The following CPVL variants were observed in gnomAD, a reference collection of about 807,000 sequenced individuals.
The protein encoded by CPVL is carboxypeptidase vitellogenic like, also known as probable serine carboxypeptidase CPVL.
CPVL carries 51 observed loss-of-function variants against 63.7 expected under a neutral mutation model. That is an observed-to-expected ratio of 0.80 (90% confidence interval 0.64 to 1.01). The LOEUF (loss-of-function observed/expected upper bound fraction) is 1.01, where lower values mean the gene tolerates loss of function less well. Among genes scored for constraint, CPVL ranks in the 50% least tolerant of loss-of-function variants. CPVL has a pLI of 0.00. For missense variants in CPVL, 530 were observed against 573.1 expected (o/e 0.92, Z 0.77); for synonymous variants, 195 against 206.0 (o/e 0.95, Z 0.46).
At chr7:29,004,322 G>T (rs1784959453) in intron 12 of CPVL, among the ~76,000 whole-genome samples, 1 of 152,136 alleles carries the variant, frequency 6.6e-6, no homozygotes, top group Non-Finnish European at 1.5e-5. Context: ...GAGAGATACA[G>T]AATGAACACC....
At chr7:29,021,810 T>C (rs931951959) in intron 12 of CPVL, among the ~76,000 whole-genome samples, 2 of 151,868 alleles carry the variant, frequency 1.3e-5, no homozygotes, top group African/African-American at 2.4e-5. Context: ...CCCACCAGAC[T>C]ACATCACACC....
intron 5 of CPVL, among the ~76,000 whole-genome samples, chr7:29,093,157 G>A (rs921484806): frequency 6.6e-6 from 1 of 151,778 alleles, no homozygotes; most frequent in Non-Finnish European, 1.5e-5. Context: ...AGGCTGAGGC[G>A]GGCGGAACAC....
rs1243857571 is a variant in CPVL at position 29,042,788 on chromosome 7, C to T, written c.1138-12029G>A. 2.0e-5 allele frequency among the ~76,000 whole-genome samples: 3 copies of T among 152,204 alleles called. No individual in the cohort carries two copies. The East Asian group carries it at 5.8e-4, about 29-fold the overall frequency. ...TCCCGAATGCCAGCAGAGAGCAGGA[C>T]AGCCTCATCACAGGAGAAATGCTAA... On this transcript the variant is annotated intron_variant, in intron 11 of 12. Coordinates refer to ENST00000265394, the MANE Select transcript of CPVL (RefSeq NM_031311.5).
In CPVL at chr7:29,030,779, T is replaced by A. The variant is rs1425747010; in HGVS notation, c.1138-20A>T. Reference sequence around the variant, plus strand: ...CAGAACCTGAAATGAAATCAAGCCATCAGCAAATGCAAGATTCAGGAGGTG... The same window carrying A: ...CAGAACCTGAAATGAAATCAAGCCAACAGCAAATGCAAGATTCAGGAGGTG... On this transcript the variant is annotated intron_variant, in intron 11 of 12. Coordinates refer to ENST00000265394, the MANE Select transcript of CPVL (RefSeq NM_031311.5). 1 of 1,585,972 alleles carries A rather than the reference T, an allele frequency of 6.3e-7. No individual in the cohort carries two copies. The highest frequency in any genetic ancestry group is 2.3e-5 in the East Asian group (1 of 43,450).
chr7:29,047,100 T>A (rs1219338787), intron 11 of CPVL, among the ~76,000 whole-genome samples: 1 of 152,186 alleles, frequency 6.6e-6, no homozygotes, highest in Admixed American at 6.5e-5. Flanking sequence ...CCCTTCCTTC[T>A]TTCCAACTTT....
chr7:29,194,547 C>T (rs973315873), intron 1 of CPVL: 7 of 188,036 alleles, frequency 3.7e-5, no homozygotes, highest in Non-Finnish European at 7.6e-5. Flanking sequence ...GGAGAGGGTG[C>T]GGGAGCTGGC....
At chr7:29,041,436 C>T (rs955049920) in intron 11 of CPVL, among the ~76,000 whole-genome samples, 1 of 152,056 alleles carries the variant, frequency 6.6e-6, no homozygotes, top group African/African-American at 2.4e-5. Context: ...CTCCCACAGA[C>T]AAATCTCTCC....
intron 1 of CPVL, among the ~76,000 whole-genome samples, chr7:29,145,588 CATCATCA>C (rs1476099576): frequency 0.016 from 2,377 of 151,404 alleles, 53 homozygotes; most frequent in African/African-American, 0.053. Flanking sequence ...CCATAGACTT[CATCATCA>C]ATCATAACTG....
chr7:29,116,954 G>A (rs1321757739), intron 2 of CPVL, among the ~76,000 whole-genome samples: 2 of 152,074 alleles, frequency 1.3e-5, no homozygotes, highest in Non-Finnish European at 2.9e-5. Context: ...TGACAGACTC[G>A]ATAAACAAAA....
intron 1 of CPVL, among the ~76,000 whole-genome samples, chr7:29,144,698 A>T (rs550182448): frequency 6.6e-6 from 1 of 152,222 alleles, no homozygotes; most frequent in South Asian, 2.1e-4. Flanking sequence ...AGTATTCAAC[A>T]CTCAGTGTTT....
At chr7:29,033,459 A>C (rs998964774) in intron 11 of CPVL, among the ~76,000 whole-genome samples, 1 of 152,158 alleles carries the variant, frequency 6.6e-6, no homozygotes, top group Admixed American at 6.5e-5. Context: ...GGTTGGCCAA[A>C]TATGTCTACA....
intron 5 of CPVL, among the ~76,000 whole-genome samples, chr7:29,180,602 T>A (rs1198033700): frequency 1.3e-5 from 2 of 151,936 alleles, no homozygotes; most frequent in African/African-American, 4.8e-5. Context: ...ATAAATCAAA[T>A]TAAGGCAAAT....
At chr7:29,120,375 T>C (rs564781572) in intron 2 of CPVL, among the ~76,000 whole-genome samples, 28 of 151,934 alleles carry the variant, frequency 1.8e-4, no homozygotes, top group African/African-American at 5.6e-4. Flanking sequence ...TAAGCAGAGA[T>C]TGCGCCACCG....
At chr7:29,187,524 G>C (rs1798863860) in intron 1 of CPVL, among the ~76,000 whole-genome samples, 1 of 152,126 alleles carries the variant, frequency 6.6e-6, no homozygotes, top group South Asian at 2.1e-4. Context: ...AGGAGTTTGA[G>C]ACCAGCCTAG....
In CPVL at chr7:29,086,475, T is replaced by G. The variant is rs1785214467; in HGVS notation, c.609+9A>C. The G allele has an allele frequency of 6.2e-7, 1 of 1,602,934 alleles. No individual in the cohort carries two copies. Among genetic ancestry groups the G allele is most frequent in the Non-Finnish European group, 8.5e-7 (1 of 1,170,108 alleles). ...TTGAAGCACACAAGGAAACGTGACT[T>G]CTACTTACCTCCCCAGTGACATAAA... On this transcript the variant is annotated intron_variant, in intron 7 of 12. Coordinates refer to ENST00000265394, the MANE Select transcript of CPVL (RefSeq NM_031311.5).
chr7:29,181,442 G>C (rs926528171), intron 4 of CPVL: 6 of 152,162 alleles, frequency 3.9e-5, no homozygotes, highest in Middle Eastern at 3.2e-3. Flanking sequence ...GGCACATATA[G>C]ATTTATGTGT....
At chr7:28,995,097 T>C (rs1783943195), downstream of CPVL, 1 of 152,190 alleles carries the variant, frequency 6.6e-6, no homozygotes, top group South Asian at 2.1e-4. Context: ...ATGGCTCTTA[T>C]AACTAATGTA....
In CPVL at chr7:29,047,067, T is replaced by G. The variant is rs1015259878; in HGVS notation, c.1138-16308A>C. On this transcript the variant is annotated intron_variant, in intron 11 of 12. Transcript: ENST00000265394. Reference sequence around the variant, plus strand: ...AAATGAACAAGCCATTTGTCTTCCGTCATTCCATCCTTTCTTTTCCTTCCC... The same window carrying G: ...AAATGAACAAGCCATTTGTCTTCCGGCATTCCATCCTTTCTTTTCCTTCCC... 2.6e-5 allele frequency among the ~76,000 whole-genome samples: 4 copies of G among 152,216 alleles called. No homozygotes were observed. In the East Asian group the frequency reaches 7.7e-4, roughly 29 times the overall value.
chr7:29,119,268 C>G (rs1350269731), intron 2 of CPVL, among the ~76,000 whole-genome samples: 1 of 152,188 alleles, frequency 6.6e-6, no homozygotes, highest in African/African-American at 2.4e-5. Flanking sequence ...AGGCAGATGA[C>G]TTGAGGTCAG....
Sources: allele counts gnomAD v4.1 joint callset (sites outside exome capture counted in the v4.1 genomes callset), GRCh38; gene constraint gnomAD v4.1.1; transcripts MANE v1.5; gene names NCBI Gene and HGNC (gene_info 2026-07-23, HGNC 2026-07-21).